The following TNNI3K variants were observed in gnomAD, a reference collection of about 807,000 sequenced individuals.
TNNI3K encodes the protein TNNI3 interacting kinase.
In TNNI3K, 140 loss-of-function variants were observed where a neutral mutation model predicts 114.5. The observed-to-expected ratio is 1.22, with a 90% CI of 1.07 to 1.41. The LOEUF is 1.41. Among genes scored for constraint, TNNI3K ranks in the 40% most tolerant of loss-of-function variants. The pLI is 0.00. For synonymous variants in TNNI3K, 347 were observed against 347.5 expected (o/e 1.00, Z 0.02); for missense variants, 1,125 against 1,007.6 (o/e 1.12, Z -1.58).
intron 17 of TNNI3K, among the ~76,000 whole-genome samples, chr1:74,386,051 A>G (rs1404844972): frequency 6.6e-6 from 1 of 152,210 alleles, no homozygotes; most frequent in African/African-American, 2.4e-5. Flanking sequence ...GTTTCATAAG[A>G]TCTGATGGCT....
chr1:74,388,932 A>G (rs1319703043), intron 17 of TNNI3K, among the ~76,000 whole-genome samples: 2 of 152,220 alleles, frequency 1.3e-5, no homozygotes, highest in African/African-American at 2.4e-5. Context: ...CTTGTGCACC[A>G]TCTGTGACAT....
At chr1:74,296,534 T>C (rs1425254238) in intron 5 of TNNI3K, among the ~76,000 whole-genome samples, 1 of 152,212 alleles carries the variant, frequency 6.6e-6, no homozygotes, top group East Asian at 1.9e-4. Context: ...GTGTGTCTGT[T>C]ATTCTCTCTG....
intron 17 of TNNI3K, chr1:74,373,034 C>T (rs1238386053): frequency 2.0e-5 from 3 of 151,818 alleles, no homozygotes; most frequent in Non-Finnish European, 2.9e-5. Flanking sequence ...TTCTATCAAT[C>T]TTTAATCTGG....
intron 2 of TNNI3K, among the ~76,000 whole-genome samples, chr1:74,248,889 A>G (rs1347897317): frequency 1.3e-5 from 2 of 152,096 alleles, no homozygotes; most frequent in Non-Finnish European, 2.9e-5. Context: ...CTATGATCAA[A>G]TATATTTTAT....
At chr1:74,473,529 G>A (rs1445459357) in intron 21 of TNNI3K, among the ~76,000 whole-genome samples, 2 of 109,640 alleles carry the variant, frequency 1.8e-5, no homozygotes, top group African/African-American at 7.0e-5. Flanking sequence ...TATTTAAAAG[G>A]CTATTTTTTT....
At chr1:74,349,365 C>T (rs1447831673) in intron 9 of TNNI3K, among the ~76,000 whole-genome samples, 1 of 152,048 alleles carries the variant, frequency 6.6e-6, no homozygotes, top group Non-Finnish European at 1.5e-5. Context: ...TTGCTGGATT[C>T]GGTTTGCCAG....
intron 4 of TNNI3K, among the ~76,000 whole-genome samples, chr1:74,254,895 G>A (rs1655177309): frequency 6.6e-6 from 1 of 152,184 alleles, no homozygotes; most frequent in South Asian, 2.1e-4. Context: ...TACATGGGGA[G>A]ATGTGTTCTG....
intron 23 of TNNI3K, among the ~76,000 whole-genome samples, chr1:74,520,731 T>C (rs1646420458): frequency 1.3e-5 from 2 of 152,028 alleles, no homozygotes; most frequent in Admixed American, 6.6e-5. Flanking sequence ...TACTATGTGG[T>C]ATTTGGGACT....
At chr1:74,442,161 G>T (rs1666402179) in intron 20 of TNNI3K, among the ~76,000 whole-genome samples, 1 of 151,266 alleles carries the variant, frequency 6.6e-6, no homozygotes, top group Admixed American at 6.6e-5. Context: ...GTATTCTTTG[G>T]TTTATTCCTT....
chr1:74,416,442 G>A (rs1665117992), intron 17 of TNNI3K: 1 of 960,580 alleles, frequency 1.0e-6, no homozygotes, highest in African/African-American at 1.8e-5. Context: ...CATAGTTTGG[G>A]GTGCCTAGAA....
intron 21 of TNNI3K, chr1:74,471,440 T>C (rs1432044761): frequency 1.2e-5 from 5 of 400,618 alleles, no homozygotes; most frequent in Non-Finnish European, 2.2e-5. Context: ...GGATGGACTC[T>C]GACTTTTCTA....
At chr1:74,442,936 G>A (rs925767385) in intron 20 of TNNI3K, among the ~76,000 whole-genome samples, 1 of 151,884 alleles carries the variant, frequency 6.6e-6, no homozygotes, top group African/African-American at 2.4e-5. Context: ...TGAAATTAAG[G>A]CAGAGATCAA....
At chr1:74,389,436 T>C (rs941177592) in intron 17 of TNNI3K, among the ~76,000 whole-genome samples, 3 of 152,208 alleles carry the variant, frequency 2.0e-5, no homozygotes, top group African/African-American at 7.2e-5. Context: ...TATAGGAAAC[T>C]GTGAAGAATA....
Position 74,361,419 on chromosome 1 carries a change from A to T in TNNI3K, c.1178-5837A>T, listed in dbSNP as rs1189114512. ...ATTTGAGTGAAATTATATTTATGTA[A>T]TTTTTTCCACTAGATAGCATTGAAT... On this transcript the variant is annotated intron_variant, in intron 11 of 24. Transcript: ENST00000326637. 5.3e-5 allele frequency among the ~76,000 whole-genome samples: 8 copies of T among 152,106 alleles called. No individual in the cohort carries two copies. In the South Asian group the frequency reaches 8.3e-4, roughly 16 times the overall value.
intron 17 of TNNI3K, chr1:74,371,427 G>A (rs1333501878): frequency 6.6e-6 from 1 of 151,728 alleles, no homozygotes; most frequent in Non-Finnish European, 1.5e-5. Context: ...TTATATACAA[G>A]ATTTAGTACA....
At chr1:74,379,822 T>A (rs988201791) in intron 17 of TNNI3K, among the ~76,000 whole-genome samples, 12 of 152,150 alleles carry the variant, frequency 7.9e-5, no homozygotes, top group Non-Finnish European at 1.8e-4. Flanking sequence ...TGTCCTTTAG[T>A]CCTGAGTTGT....
At chr1:74,523,552 T>G (rs1360971355) in intron 23 of TNNI3K, among the ~76,000 whole-genome samples, 1 of 152,178 alleles carries the variant, frequency 6.6e-6, no homozygotes, top group Non-Finnish European at 1.5e-5. Context: ...TGCCTGGCCA[T>G]TAGCTGCTTA....
At chr1:74,503,637 C>T (rs912796764) in intron 23 of TNNI3K, among the ~76,000 whole-genome samples, 4 of 152,092 alleles carry the variant, frequency 2.6e-5, no homozygotes, top group East Asian at 1.9e-4. Flanking sequence ...ATGACATGCA[C>T]TTCCTGAACG....
chr1:74,541,282 C>A (rs1374989123), intron 24 of TNNI3K, among the ~76,000 whole-genome samples: 1 of 152,106 alleles, frequency 6.6e-6, no homozygotes, highest in Non-Finnish European at 1.5e-5. Flanking sequence ...CATTAGAAAC[C>A]TTTTAAGAAA....
Sources: allele counts gnomAD v4.1 joint callset (sites outside exome capture counted in the v4.1 genomes callset), GRCh38; gene constraint gnomAD v4.1.1; transcripts MANE v1.5; gene names NCBI Gene and HGNC (gene_info 2026-07-23, HGNC 2026-07-21).